Variants in MTUS2 observed in about 807,000 individuals in gnomAD.
The protein encoded by MTUS2 is microtubule associated scaffold protein 2.
Under a neutral mutation model 114.1 loss-of-function variants are expected in MTUS2, and 40 were observed. The ratio of observed to expected loss-of-function variants is 0.35; its 90% CI spans 0.27 to 0.46. MTUS2 has a LOEUF of 0.46. Ranked by LOEUF, MTUS2 falls within the 20% of genes least tolerant of loss-of-function variation. The pLI is 1.00. For synonymous variants in MTUS2, 688 were observed against 672.0 expected (o/e 1.02, Z -0.37); for missense variants, 1,679 against 1,705.4 (o/e 0.98, Z 0.27).
intron 4 of MTUS2, among the ~76,000 whole-genome samples, chr13:29,059,691 A>G (rs1888318396): frequency 6.6e-6 from 1 of 152,204 alleles, no homozygotes; most frequent in Non-Finnish European, 1.5e-5. Flanking sequence ...GCTAGCAGTC[A>G]TGGCTTGCCT....
In MTUS2 at chr13:28,980,450, C is replaced by G. The variant is rs118123053; in HGVS notation, c.-242-44007C>G. On this transcript the variant is annotated intron_variant, in intron 2 of 15. Transcript: ENST00000612955. ...TTTCCCAGGATCTTTGGAGGCAGTT[C>G]TTTTTGCAAATATATGTTGTGCTTC... Among the ~76,000 whole-genome samples the G allele has an allele frequency of 2.6e-3, 395 of 152,256 alleles. 9 individuals carry two copies. In the East Asian group the frequency reaches 0.069, roughly 27 times the overall value.
intron 3 of MTUS2, among the ~76,000 whole-genome samples, chr13:29,030,236 A>G (rs1886753405): frequency 6.6e-6 from 1 of 152,164 alleles, no homozygotes; most frequent in Non-Finnish European, 1.5e-5. Context: ...ATGGGATTGT[A>G]TGGACATTGT....
chr13:29,443,107 G>A (rs923094299), intron 9 of MTUS2, among the ~76,000 whole-genome samples: 6 of 152,184 alleles, frequency 3.9e-5, no homozygotes, highest in Admixed American at 2.6e-4. Context: ...GGGCGAGCTG[G>A]TAGACCTCTC....
At chr13:28,887,618 G>A (rs1878668407) in intron 2 of MTUS2, among the ~76,000 whole-genome samples, 1 of 152,186 alleles carries the variant, frequency 6.6e-6, no homozygotes, top group East Asian at 1.9e-4. Context: ...GACTTCAGTG[G>A]GCCAAAGGGA....
chr13:29,100,964 G>T lies in MTUS2; in HGVS notation c.2638G>T (p.Ala880Ser). Residue 880 changes from alanine to serine, a missense_variant, in exon 5 of 16, where the codon GCC becomes TCC. Ala to Ser is a moderately conservative substitution (Grantham distance 99). Transcript: ENST00000612955. ...DSAQPEQGRP[A>S]TRSTFGNEEQ... The stretch of plus-strand genomic sequence containing the variant: ...TGCACAGCCAGAGCAGGGCCGGCCA[G>T]CCACCCGTAAGTGGGGTGGGGCAGG... 1.3e-6 allele frequency: 2 copies of T among 1,560,190 alleles called. No individual in the cohort carries two copies. Among genetic ancestry groups the T allele is most frequent in the Non-Finnish European group, 1.7e-6 (2 of 1,150,518 alleles).
intron 5 of MTUS2, among the ~76,000 whole-genome samples, chr13:29,107,377 T>C (rs1192273495): frequency 6.6e-6 from 1 of 152,154 alleles, no homozygotes; most frequent in Non-Finnish European, 1.5e-5. Flanking sequence ...CAATAGAAAC[T>C]TTTTCTCTTA....
chr13:29,361,596 A>T (rs145636672), intron 8 of MTUS2, among the ~76,000 whole-genome samples: 1 of 152,188 alleles, frequency 6.6e-6, no homozygotes, highest in African/African-American at 2.4e-5. Flanking sequence ...GAGGTGTGAC[A>T]TGGGGTGGAG....
chr13:29,444,429 C>A (rs1182458654), intron 9 of MTUS2, among the ~76,000 whole-genome samples: 1 of 150,358 alleles, frequency 6.7e-6, no homozygotes, highest in Non-Finnish European at 1.5e-5. Flanking sequence ...AAAACTCTGT[C>A]TCAAAACAAA....
intron 5 of MTUS2, among the ~76,000 whole-genome samples, chr13:29,160,595 C>T (rs1294945014): frequency 6.6e-6 from 1 of 152,060 alleles, no homozygotes; most frequent in Non-Finnish European, 1.5e-5. Flanking sequence ...ATGGCAAAAC[C>T]CTGTCTTTAC....
At chr13:28,980,144 T>C (rs1884293354) in intron 2 of MTUS2, among the ~76,000 whole-genome samples, 1 of 152,254 alleles carries the variant, frequency 6.6e-6, no homozygotes, top group Admixed American at 6.5e-5. Flanking sequence ...ATACATTCAT[T>C]GTTTAAAAGG....
chr13:29,177,889 TC>T (rs1297346408), intron 5 of MTUS2, among the ~76,000 whole-genome samples: 1 of 152,164 alleles, frequency 6.6e-6, no homozygotes, highest in African/African-American at 2.4e-5. Context: ...CACTGTTATC[TC>T]CCAGGATCCC....
intron 2 of MTUS2, among the ~76,000 whole-genome samples, chr13:28,875,333 G>A (rs1877867458): frequency 6.6e-6 from 1 of 152,214 alleles, no homozygotes; most frequent in Admixed American, 6.5e-5. Flanking sequence ...CATAATGGAT[G>A]CTCAGTAAAA....
chr13:29,419,958 A>G (rs536299978), intron 8 of MTUS2, among the ~76,000 whole-genome samples: 1 of 152,322 alleles, frequency 6.6e-6, no homozygotes, highest in East Asian at 1.9e-4. Context: ...TCCAATGCTG[A>G]TATTTTGCAT....
intron 5 of MTUS2, among the ~76,000 whole-genome samples, chr13:29,232,968 CAG>C (rs1397244193): frequency 3.9e-5 from 6 of 152,112 alleles, no homozygotes; most frequent in Non-Finnish European, 7.4e-5. Flanking sequence ...CCTAAATGTT[CAG>C]AGTCTCCTGT....
chr13:29,307,076 G>A (rs1381470851), intron 6 of MTUS2: 5 of 484,996 alleles, frequency 1.0e-5, no homozygotes, highest in Admixed American at 4.5e-5. Context: ...GAGTCCACCA[G>A]CATCTTCACC....
chr13:29,183,975 T>C (rs879452733), intron 5 of MTUS2, among the ~76,000 whole-genome samples: 1 of 152,200 alleles, frequency 6.6e-6, no homozygotes, highest in Admixed American at 6.5e-5. Context: ...CTGTACAGTT[T>C]TTGCCTATTT....
intron 9 of MTUS2, among the ~76,000 whole-genome samples, chr13:29,448,432 C>T (rs1330224105): frequency 6.6e-6 from 1 of 152,194 alleles, no homozygotes; most frequent in Non-Finnish European, 1.5e-5. Flanking sequence ...GCTTCATTGG[C>T]CAGAACTAAG....
chr13:29,461,460 ACCCT>A (rs1879486771), intron 9 of MTUS2, among the ~76,000 whole-genome samples: 1 of 152,210 alleles, frequency 6.6e-6, no homozygotes. Flanking sequence ...CCAGGAAGCA[ACCCT>A]ACAGTATACA....
rs984384071 is a variant in MTUS2 at position 29,033,888 on chromosome 13, A to G, written c.2209A>G (p.Thr737Ala). The part of the protein sequence containing the change: ...QMSEKFLQEV[T>A]DHPGKEEFCS... ...AGTTTTTGTTCATTTATCATAGGTT[A>G]CAGACCACCCTGGAAAAGAAGAGTT... Residue 737 changes from threonine to alanine, a missense_variant, in exon 4 of 16, where the codon ACA becomes GCA. Around this residue, in one of 3 missense-constraint regions of MTUS2, gnomAD observed 822 missense variants for 899.7 expected, o/e 0.91. Transcript: ENST00000612955. 12 of 1,613,790 alleles carry G rather than the reference A, an allele frequency of 7.4e-6. No homozygotes were observed. The highest frequency in any genetic ancestry group is 1.0e-5 in the Non-Finnish European group (12 of 1,179,850).
Sources: allele counts gnomAD v4.1 joint callset (sites outside exome capture counted in the v4.1 genomes callset), GRCh38; gene constraint gnomAD v4.1.1; regional missense constraint gnomAD v4.1.1; transcripts MANE v1.5; gene names NCBI Gene and HGNC (gene_info 2026-07-23, HGNC 2026-07-21).